Variants in VWF observed in about 807,000 individuals in gnomAD.
The protein encoded by VWF is von Willebrand factor.
In VWF, 176 loss-of-function variants were observed where a neutral mutation model predicts 308.6. The ratio of observed to expected loss-of-function variants is 0.57; its 90% CI spans 0.50 to 0.65. The LOEUF (loss-of-function observed/expected upper bound fraction) is 0.65, where lower values mean the gene tolerates loss of function less well. Among genes scored for constraint, VWF ranks in the 30% least tolerant of loss-of-function variants. VWF has a pLI of 0.00. For missense variants in VWF, 3,146 were observed against 3,648.2 expected, an observed-to-expected ratio of 0.86 and a Z score of 3.55; for synonymous variants, 1,385 against 1,443.4, an observed-to-expected ratio of 0.96 and a Z score of 0.92.
chr12:6,095,618 A>G (rs1385562509), intron 5 of VWF, 34 bp from the exon 6 acceptor site: 1 of 1,613,930 alleles, frequency 6.2e-7, no homozygotes, highest in Non-Finnish European at 8.5e-7. Context: ...GTAATGCTTC[A>G]GTTATGCCTG....
intron 16 of VWF, among the ~76,000 whole-genome samples, chr12:6,049,759 T>C (rs1324261710): frequency 2.6e-5 from 4 of 152,256 alleles, no homozygotes; most frequent in African/African-American, 9.6e-5. Context: ...ACAACTGTAG[T>C]AAAACAGCAC....
chr12:6,064,989 G>T, intron 11 of VWF, 148 bp downstream of exon 11: 3 of 1,208,754 alleles, frequency 2.5e-6, no homozygotes, highest in African/African-American at 1.5e-5. Context: ...GTTTCTGGAT[G>T]AATGAGGAGC....
intron 22 of VWF, among the ~76,000 whole-genome samples, chr12:6,027,569 G>C (rs1944208768): frequency 6.6e-6 from 1 of 152,120 alleles, no homozygotes; most frequent in African/African-American, 2.4e-5. Context: ...TGCTGTGACA[G>C]ACAGAAGCAG....
At chr12:6,031,759 C>T (rs1944266421) in intron 20 of VWF, among the ~76,000 whole-genome samples, 181 bp from the exon 21 acceptor site, 1 of 151,106 alleles carries the variant, frequency 6.6e-6, no homozygotes, top group African/African-American at 2.4e-5. Flanking sequence ...CAGGTGAATG[C>T]CCTCAGGTGT....
At position 6,092,539 on chromosome 12, in the gene VWF, G is replaced by A. The variant is rs183685936; in HGVS notation, c.657+2921C>T. ...TTTGTCTGTGTGTGTGTGTGTGCAC[G>A]CGCGTGTGCCACCATGCCCAGCTAG... On this transcript the variant is annotated intron_variant, in intron 6 of 51. Transcript: ENST00000261405. Among the ~76,000 whole-genome samples the A allele has an allele frequency of 6.9e-3, 1,010 of 146,022 alleles. 14 individuals are homozygous for A. The highest frequency in any genetic ancestry group is 0.023 in the African/African-American group (933 of 40,320).
In VWF at chr12:5,983,220, C is replaced by T. The variant is rs1191078422; in HGVS notation, c.7011G>A (p.Val2337=). 1 of 1,613,954 alleles carries T rather than the reference C, an allele frequency of 6.2e-7. No individual in the cohort carries two copies. Among genetic ancestry groups the T allele is most frequent in the East Asian group, 2.2e-5 (1 of 44,896 alleles). ...CDPVSCDLPP[V]PHCERGLQPT... ...GCTGGAGGCCACGTTCACAGTGAGG[C>T]ACTGGGGGCAGGTCACAGCTCACTG... The change falls in exon 41 of 52, where the codon GTG becomes GTA. Residue 2337 remains valine, a synonymous_variant. Transcript: ENST00000261405.
At chr12:6,022,364 C>T (rs1944138550) in intron 26 of VWF, among the ~76,000 whole-genome samples, 1 of 152,092 alleles carries the variant, frequency 6.6e-6, no homozygotes, top group Non-Finnish European at 1.5e-5. Context: ...ACCATAGGAT[C>T]GTCACAAACT....
At chr12:6,018,090 ATTGT>A (rs552452293) in intron 28 of VWF, among the ~76,000 whole-genome samples, 2 of 149,532 alleles carry the variant, frequency 1.3e-5, no homozygotes, top group Non-Finnish European at 3.0e-5. Flanking sequence ...CCTTATTGGC[ATTGT>A]TTAAATGTTA....
In VWF at chr12:6,024,711, A is replaced by G. The variant is rs1591866852; in HGVS notation, c.3222+869T>C. 6.6e-6 allele frequency among the ~76,000 whole-genome samples: 1 copy of G among 152,240 alleles called. No homozygotes were observed. Among genetic ancestry groups the G allele is most frequent in the Non-Finnish European group, 1.5e-5 (1 of 68,036 alleles). ...CATGTCCACATGTGTGTACACACAT[A>G]CATGCAGCAGATAAGAGACAACTGC... On this transcript the variant is annotated intron_variant, in intron 24 of 51. Transcript: ENST00000261405. This position sits in a 1 kb window ranked among gnomAD's most constrained non-coding sequence, Gnocchi z 4.0.
chr12:5,995,558 G>C (rs1409565524), intron 35 of VWF, among the ~76,000 whole-genome samples: 1 of 151,994 alleles, frequency 6.6e-6, no homozygotes, highest in Non-Finnish European at 1.5e-5. Context: ...ATATATATCA[G>C]TTTTGCAGTT....
At chr12:6,119,962 T>C (rs533715016) in intron 3 of VWF, among the ~76,000 whole-genome samples, 1 of 150,990 alleles carries the variant, frequency 6.6e-6, no homozygotes, top group Middle Eastern at 3.2e-3. Flanking sequence ...CATGGAGGAG[T>C]GGGAAGGATG....
intron 16 of VWF, among the ~76,000 whole-genome samples, chr12:6,051,995 T>C (rs1049215694): frequency 5.3e-5 from 8 of 152,162 alleles, no homozygotes; most frequent in African/African-American, 1.9e-4. Flanking sequence ...AAATGTCCTG[T>C]TGTAAATTTC....
chr12:6,118,376 CTTTTTTTTTTTTTTTTTT>C (rs71064189), intron 3 of VWF, among the ~76,000 whole-genome samples: 1 of 65,486 alleles, frequency 1.5e-5, no homozygotes, highest in Non-Finnish European at 3.1e-5. Flanking sequence ...CCTCTGGTCA[CTTTTTTTTTTTTTTTTTT>C]TTTTTTTTTT....
chr12:6,002,887 A>AC (rs1292171061), intron 34 of VWF, among the ~76,000 whole-genome samples: 1 of 150,974 alleles, frequency 6.6e-6, no homozygotes, highest in African/African-American at 2.4e-5. Flanking sequence ...CAAAAAAAAA[A>AC]CAAAAAACCT....
At chr12:6,054,787 C>CA (rs36100099) in intron 15 of VWF, among the ~76,000 whole-genome samples, 71,603 of 152,050 alleles carry the variant, frequency 0.47, 17,678 homozygotes, top group East Asian at 0.71. Context: ...ATTGATGTGA[C>CA]CTCTTCTTAC....
rs147313320 is a variant in VWF at position 6,016,650 on chromosome 12, C to T, written c.5177G>A (p.Arg1726His). 8.4e-5 allele frequency: 136 copies of T among 1,614,152 alleles called. No homozygotes were observed. In the Admixed American group the frequency reaches 9.3e-4, roughly 11 times the overall value. Residue 1726 changes from arginine (R) to histidine (H), a missense_variant, in exon 30 of 52, where the codon CGT becomes CAT. Arg to His is a conservative substitution (Grantham distance 29). Coordinates refer to ENST00000261405, the MANE Select transcript of VWF (RefSeq NM_000552.5). ...AFISKANIGP[R>H]LTQVSVLQYG... ...CTGCAGCACTGACACCTGAGTGAGA[C>T]GAGGCCCTAAACGGAACGAGAAAAT...
At chr12:6,055,012 C>T (rs956447699) in intron 15 of VWF, among the ~76,000 whole-genome samples, 1 of 152,156 alleles carries the variant, frequency 6.6e-6, no homozygotes, top group African/African-American at 2.4e-5. Context: ...CAGAGACAGA[C>T]CCCTCTTGTC....
chr12:5,977,489 T>C (rs1284888177), intron 42 of VWF, among the ~76,000 whole-genome samples: 1 of 152,222 alleles, frequency 6.6e-6, no homozygotes, highest in Non-Finnish European at 1.5e-5. Context: ...TAAAATATAA[T>C]TCATAATATG....
intron 10 of VWF, among the ~76,000 whole-genome samples, chr12:6,067,994 G>T (rs189818803): frequency 4.6e-5 from 7 of 152,036 alleles, no homozygotes; most frequent in Admixed American, 2.0e-4. Flanking sequence ...AATTAGCCGG[G>T]TGTGGTGGCA....
Sources: gnomAD v4.1 joint callset for allele counts (sites outside exome capture counted in the v4.1 genomes callset) on GRCh38, gnomAD v4.1.1 for gene constraint, Gnocchi (gnomAD v3.1) non-coding constraint, MANE v1.5 for transcripts, NCBI Gene and HGNC (gene_info 2026-07-23, HGNC 2026-07-21) for gene names.